BDP1: variants seen among roughly 807,000 people sequenced by gnomAD.
BDP1 encodes transcription factor TFIIIB component B'' homolog.
BDP1 carries 169 observed loss-of-function variants against 266.6 expected under a neutral mutation model. The ratio of observed to expected loss-of-function variants is 0.63; its 90% CI spans 0.56 to 0.72. BDP1 has a LOEUF of 0.72. Ranked by LOEUF, BDP1 falls within the 30% of genes least tolerant of loss-of-function variation. BDP1 has a pLI of 0.00. For missense variants in BDP1, 3,015 were observed against 3,053.8 expected (o/e 0.99, Z 0.30); for synonymous variants, 1,090 against 1,022.4 (o/e 1.07, Z -1.26).
At chr5:71,564,687 C>A in intron 38 of BDP1, 67 bp from the exon 39 acceptor site, 1 of 1,316,350 alleles carries the variant, frequency 7.6e-7, no homozygotes, top group Non-Finnish European at 1.1e-6. Flanking sequence ...GCTATATATA[C>A]ACACACATAT....
In BDP1 at chr5:71,456,045, C is replaced by T; in HGVS notation, c.168C>T (p.Val56=). 6.2e-7 allele frequency: 1 copy of T among 1,613,454 alleles called. No homozygotes were observed. The change falls in exon 1 of 39, where the codon GTC becomes GTT. Residue 56 remains valine (V), a synonymous_variant. Coordinates refer to ENST00000358731, the MANE Select transcript of BDP1 (RefSeq NM_018429.3). ...CGGAGCCCACAGATGTGCCCACAGT[C>T]GATTTCGGTGGAGCGGAGCCCCAAG... The part of the protein sequence containing the change: ...KPAEPTDVPT[V]DFGGAEPQEK...
At position 71,480,579 on chromosome 5, in the gene BDP1, T is replaced by G. The variant is rs1282093097; in HGVS notation, c.1015-3263T>G. On this transcript the variant is annotated intron_variant, in intron 7 of 38. Coordinates refer to ENST00000358731, the MANE Select transcript of BDP1 (RefSeq NM_018429.3). The stretch of plus-strand genomic sequence containing the variant: ...GCCACTGTGCCCGGCCATTTTTTTT[T>G]TTTTTGAGATGGAATCTCACTCTGT... Among the ~76,000 whole-genome samples, 406 of 150,720 alleles carry G rather than the reference T, an allele frequency of 2.7e-3. 3 individuals are homozygous for G. The highest frequency in any genetic ancestry group is 9.5e-3 in the African/African-American group (389 of 40,980).
chr5:71,513,781 G>A (rs1013773012), intron 19 of BDP1, among the ~76,000 whole-genome samples: 1 of 151,736 alleles, frequency 6.6e-6, no homozygotes, highest in Admixed American at 6.6e-5. Flanking sequence ...GTGCAGTGGC[G>A]CGATCTCGGC....
intron 30 of BDP1, 116 bp downstream of exon 30, chr5:71,542,381 A>C: frequency 1.0e-6 from 1 of 956,528 alleles, no homozygotes; most frequent in Non-Finnish European, 1.5e-6. Context: ...AATAGTTTCA[A>C]ATTAAAAAGT....
chr5:71,521,790 T>A (rs1036210563), intron 22 of BDP1, among the ~76,000 whole-genome samples: 6 of 152,192 alleles, frequency 3.9e-5, no homozygotes, highest in Non-Finnish European at 8.8e-5. Context: ...AAACCCTTTT[T>A]AGTGAGAGTT....
At chr5:71,543,242 A>G in intron 30 of BDP1, among the ~76,000 whole-genome samples, 1 of 152,176 alleles carries the variant, frequency 6.6e-6, no homozygotes, top group East Asian at 1.9e-4. Flanking sequence ...TGATCATGCC[A>G]CTGTACTCCG....
At chr5:71,547,053 A>G (rs528109848) in intron 32 of BDP1, among the ~76,000 whole-genome samples, 25 of 152,138 alleles carry the variant, frequency 1.6e-4, no homozygotes, top group African/African-American at 4.8e-4. Context: ...GGGTTTCACT[A>G]TGTTGGCCAG....
At chr5:71,493,567 C>T (rs1763718734) in intron 11 of BDP1, among the ~76,000 whole-genome samples, 2 of 152,196 alleles carry the variant, frequency 1.3e-5, no homozygotes, top group African/African-American at 4.8e-5. Context: ...CTTGTAATGA[C>T]TGTTAAAGTC....
At chr5:71,477,427 G>A (rs985627970) in intron 7 of BDP1, among the ~76,000 whole-genome samples, 1 of 152,216 alleles carries the variant, frequency 6.6e-6, no homozygotes, top group East Asian at 1.9e-4. Context: ...GGCGTTACAG[G>A]CATGAGACAC....
At chr5:71,457,431 T>A (rs1761268184) in intron 1 of BDP1, among the ~76,000 whole-genome samples, 2 of 151,526 alleles carry the variant, frequency 1.3e-5, no homozygotes, top group South Asian at 4.2e-4. Context: ...TTCTCCTGTC[T>A]CAGGCTCCCA....
intron 38 of BDP1, 61 bp from the exon 39 acceptor site, chr5:71,564,693 C>T (rs1179909662): frequency 5.2e-6 from 7 of 1,339,694 alleles, no homozygotes; most frequent in African/African-American, 1.5e-5. Flanking sequence ...TATACACACA[C>T]ATATATATAT....
Position 71,548,679 on chromosome 5 carries a change from C to G in BDP1, c.6745-3C>G. The G allele has an allele frequency of 1.3e-6, 2 of 1,594,288 alleles. No homozygotes were observed. The highest frequency in any genetic ancestry group is 1.7e-6 in the Non-Finnish European group (2 of 1,163,868). On this transcript the variant is annotated splice_region_variant and splice_polypyrimidine_tract_variant and intron_variant, in intron 32 of 38. Transcript: ENST00000358731. ...ACTCTTTCATTTTAATTTTTTATGG[C>G]AGTATACACCAACAAGTATTCCAGA...
At chr5:71,542,319 A>G in intron 30 of BDP1, 54 bp downstream of exon 30, 3 of 1,431,822 alleles carry the variant, frequency 2.1e-6, no homozygotes, top group Non-Finnish European at 2.9e-6. Flanking sequence ...AAGAAATTAC[A>G]TTAACATTTC....
At position 71,511,109 on chromosome 5, in the gene BDP1, C is replaced by T. The variant is rs773427318; in HGVS notation, c.4017C>T (p.Ser1339=). The part of the protein sequence containing the change: ...SRQTDTHLMQ[S]GSNDFSAVPS... ...AAACTGACACACATTTAATGCAGAG[C>T]GGTAGCAATGACTTCAGTGCTGTGC... Residue 1339 remains serine, a synonymous_variant, in exon 17 of 39, where the codon AGC becomes AGT. Transcript: ENST00000358731. 3.7e-6 allele frequency: 6 copies of T among 1,613,828 alleles called. No individual in the cohort carries two copies. Among genetic ancestry groups the T allele is most frequent in the East Asian group, 2.2e-5 (1 of 44,890 alleles).
At chr5:71,505,952 T>G (rs1056621821) in intron 16 of BDP1, among the ~76,000 whole-genome samples, 1 of 152,140 alleles carries the variant, frequency 6.6e-6, no homozygotes, top group Non-Finnish European at 1.5e-5. Context: ...CAAAAAAATT[T>G]CTCTATTTCT....
downstream of BDP1, among the ~76,000 whole-genome samples, chr5:71,570,879 G>T (rs543357513): frequency 6.6e-6 from 1 of 152,170 alleles, no homozygotes; most frequent in African/African-American, 2.4e-5. Flanking sequence ...TGGTTAGGGG[G>T]TGTCTGAATA....
intron 13 of BDP1, among the ~76,000 whole-genome samples, chr5:71,499,878 G>A (rs377656228): frequency 6.6e-5 from 10 of 152,134 alleles, no homozygotes; most frequent in East Asian, 1.9e-4. Flanking sequence ...GGGTGGGATC[G>A]TTGGGTCAAA....
chr5:71,510,986 C>G lies in BDP1; in HGVS notation c.3894C>G (p.Ile1298Met), dbSNP rs371417659. ...TTAGAGAGAGAGGATCTGAAGAGAT[C>G]TGTGTTACTGAGGAAAAGGTGGCAG... is the stretch of plus-strand genomic sequence containing the variant. ...ENFRERGSEE[I>M]CVTEEKVAEL... The change falls in exon 17 of 39, where the codon ATC becomes ATG. Residue 1298 changes from isoleucine (I) to methionine (M), a missense_variant. Transcript: ENST00000358731. 6.8e-6 allele frequency: 11 copies of G among 1,613,832 alleles called. No individual in the cohort carries two copies. The highest frequency in any genetic ancestry group is 8.5e-6 in the Non-Finnish European group (10 of 1,179,994).
chr5:71,509,434 CTTGA>C (rs764326518), intron 16 of BDP1, 27 bp from the exon 17 acceptor site: 18 of 1,501,200 alleles, frequency 1.2e-5, no homozygotes, highest in African/African-American at 3.0e-5. Flanking sequence ...TGGTTTAAAA[CTTGA>C]TTGTGTGCCC....
Sources: allele counts gnomAD v4.1 joint callset (sites outside exome capture counted in the v4.1 genomes callset), GRCh38; gene constraint gnomAD v4.1.1; transcripts MANE v1.5; gene names NCBI Gene and HGNC (gene_info 2026-07-23, HGNC 2026-07-21).